Variants in ATRIP observed in about 807,000 individuals in gnomAD.
ATRIP encodes the protein ATR-interacting protein.
ATRIP carries 44 observed loss-of-function variants against 78.1 expected under a neutral mutation model. That is an observed-to-expected ratio of 0.56 (90% confidence interval 0.44 to 0.72). ATRIP has a LOEUF of 0.72. Among genes scored for constraint, ATRIP ranks in the 30% least tolerant of loss-of-function variants. ATRIP has a pLI of 0.00. For missense variants in ATRIP, 927 were observed against 980.2 expected (o/e 0.95, Z 0.72); for synonymous variants, 388 against 408.9 (o/e 0.95, Z 0.62).
At chr3:48,462,538 C>T (rs2040146347) in intron 8 of ATRIP, among the ~76,000 whole-genome samples, 1 of 152,146 alleles carries the variant, frequency 6.6e-6, no homozygotes, top group East Asian at 1.9e-4. Context: ...CCCGTCTCTA[C>T]TAAAAATACA....
chr3:48,458,785 C>T (rs921302415), intron 5 of ATRIP, among the ~76,000 whole-genome samples: 1 of 152,194 alleles, frequency 6.6e-6, no homozygotes, highest in African/African-American at 2.4e-5. Context: ...TACCATCAAC[C>T]TTTCAAATCC....
In ATRIP at chr3:48,446,750, G is replaced by T. The variant is rs1490091548; in HGVS notation, c.-96G>T. 6.9e-6 allele frequency: 9 copies of T among 1,311,820 alleles called. No individual in the cohort carries two copies. The highest frequency in any genetic ancestry group is 7.8e-6 in the Non-Finnish European group (8 of 1,026,868). The allele number at this position is 1,311,820 out of a possible 1,614,324, so 81.3% of individuals were successfully genotyped here. A position where few individuals can be genotyped will look rare whatever the true frequency, so the allele number is the denominator to read the frequency against. ...CAGGGGCGGGGCACTCGCGGCGGAG[G>T]CAAGCGGCGGCGCGCGGACGGTTGG... On this transcript the variant is annotated 5_prime_UTR_variant, in exon 1 of 13. Coordinates refer to ENST00000320211, the MANE Select transcript of ATRIP (RefSeq NM_130384.3).
At chr3:48,454,682 A>G (rs1016245446) in intron 4 of ATRIP, among the ~76,000 whole-genome samples, 1 of 152,136 alleles carries the variant, frequency 6.6e-6, no homozygotes, top group Non-Finnish European at 1.5e-5. Flanking sequence ...ACCTGGAAAA[A>G]TGATCTCCAA....
Position 48,466,796 on chromosome 3 carries a change from C to T in ATRIP, c.*1242C>T. 1.2e-6 allele frequency: 2 copies of T among 1,613,962 alleles called. No individual in the cohort carries two copies. The highest frequency in any genetic ancestry group is 1.7e-6 in the Non-Finnish European group (2 of 1,180,034). ...TCCACAGATGTGCCCTGGAGAGCCC[C>T]CCCACCTCTCAGGGGCCACCTCCCA... On this transcript the variant is annotated 3_prime_UTR_variant, in exon 13 of 13. Transcript: ENST00000320211.
rs758835533 is a variant in ATRIP, at chr3:48,460,396, G to C, written c.1342G>C (p.Asp448His). The change falls in exon 8 of 13, where the codon GAC becomes CAC. Residue 448 changes from aspartate (D) to histidine (H), a missense_variant. By Grantham distance (81) the Asp-to-His change is moderately conservative (BLOSUM62 -1). Transcript: ENST00000320211. Reference protein sequence around the residue: ...AAAKRSGAPGDSPTHSSCVSS... With the variant: ...AAAKRSGAPGHSPTHSSCVSS... Reference sequence around the variant, plus strand: ...TGCTAAGAGAAGCGGAGCACCTGGGGACTCACCGACACATTCCTCCTGCGT... The same window carrying C: ...TGCTAAGAGAAGCGGAGCACCTGGGCACTCACCGACACATTCCTCCTGCGT... 8 of 1,613,438 alleles carry C rather than the reference G, an allele frequency of 5.0e-6. No individual in the cohort carries two copies. The highest frequency in any genetic ancestry group is 5.1e-6 in the Non-Finnish European group (6 of 1,179,740).
chr3:48,462,376 A>G (rs2040142310), intron 8 of ATRIP, among the ~76,000 whole-genome samples: 1 of 151,928 alleles, frequency 6.6e-6, no homozygotes, highest in East Asian at 2.0e-4. Flanking sequence ...TATCTATTTC[A>G]TGTACTGGGG....
At position 48,460,313 on chromosome 3, in the gene ATRIP, TC is replaced by T; in HGVS notation, c.1264del (p.Val423TyrfsTer34). ...CAGCTTCCTGGAGCCGTGCATTTCC[TC>T]CCCCTTGTACAGTTCTTCATCGGCT... Reference protein sequence around the residue: ...LCQLPGAVHFLPLVQFFIGLH... With the variant: ...LCQLPGAVHFXPLVQFFIGLH... On this transcript the variant is annotated frameshift_variant, in exon 8 of 13. Transcript: ENST00000320211. LOFTEE classifies it high-confidence loss of function. 1 of 1,613,852 alleles carries T rather than the reference TC, an allele frequency of 6.2e-7. No homozygotes were observed.
In ATRIP at chr3:48,460,318, C is replaced by A. The variant is rs748390342; in HGVS notation, c.1264C>A (p.Leu422Ile). Reference sequence around the variant, plus strand: ...TCCTGGAGCCGTGCATTTCCTCCCCCTTGTACAGTTCTTCATCGGCTTACA... The same window carrying A: ...TCCTGGAGCCGTGCATTTCCTCCCCATTGTACAGTTCTTCATCGGCTTACA... ...QLPGAVHFLP[L>I]VQFFIGLHCQ... is the part of the protein sequence containing the mutation. The change falls in exon 8 of 13, where the codon CTT becomes ATT. Residue 422 changes from leucine to isoleucine, a missense_variant. Physicochemically the swap from Leu to Ile is conservative, Grantham distance 5. Coordinates refer to ENST00000320211, the MANE Select transcript of ATRIP (RefSeq NM_130384.3). 4 of 1,613,746 alleles carry A rather than the reference C, an allele frequency of 2.5e-6. No homozygotes were observed. The African/African-American group carries it at 5.3e-5, about 22-fold the overall frequency.
intron 5 of ATRIP, among the ~76,000 whole-genome samples, chr3:48,458,873 G>A (rs929672337): frequency 1.3e-5 from 2 of 152,208 alleles, no homozygotes; most frequent in Non-Finnish European, 2.9e-5. Flanking sequence ...GCAGTGTACA[G>A]TAGTGTTACA....
At position 48,466,772 on chromosome 3, in the gene ATRIP, C is replaced by G. The variant is rs2040327217; in HGVS notation, c.*1218C>G. On this transcript the variant is annotated 3_prime_UTR_variant, in exon 13 of 13. Coordinates refer to ENST00000320211, the MANE Select transcript of ATRIP (RefSeq NM_130384.3). ...TCACGGAGCTGTGCCTGCTGGCTGTCCACAGATGTGCCCTGGAGAGCCCCC... is the reference window on the plus strand; with the variant it reads ...TCACGGAGCTGTGCCTGCTGGCTGTGCACAGATGTGCCCTGGAGAGCCCCC... 1.2e-6 allele frequency: 2 copies of G among 1,613,830 alleles called. No homozygotes were observed. Among genetic ancestry groups the G allele is most frequent in the Non-Finnish European group, 1.7e-6 (2 of 1,180,032 alleles).
intron 3 of ATRIP, among the ~76,000 whole-genome samples, chr3:48,452,631 G>A (rs1276279379): frequency 6.6e-6 from 1 of 152,038 alleles, no homozygotes; most frequent in African/African-American, 2.4e-5. Context: ...GGAGGTTGAG[G>A]CTGCAGTAAG....
intron 3 of ATRIP, among the ~76,000 whole-genome samples, chr3:48,453,075 G>C (rs2039873678): frequency 6.6e-6 from 1 of 151,800 alleles, no homozygotes. Context: ...GTACAGACAG[G>C]GTTTTGCTGT....
chr3:48,448,658 A>G (rs980050606), intron 1 of ATRIP, among the ~76,000 whole-genome samples: 3 of 152,254 alleles, frequency 2.0e-5, no homozygotes, highest in Admixed American at 6.5e-5. Flanking sequence ...GGAACTTTAT[A>G]CATTGTTCTT....
At chr3:48,456,547 G>A (rs923409507) in intron 4 of ATRIP, among the ~76,000 whole-genome samples, 2 of 149,734 alleles carry the variant, frequency 1.3e-5, no homozygotes, top group Non-Finnish European at 1.5e-5. Context: ...GCAGTGAGCC[G>A]TAATTGTGCC....
At chr3:48,460,822 T>A (rs777471062) in intron 8 of ATRIP, 23 bp downstream of exon 8, 1 of 1,565,106 alleles carries the variant, frequency 6.4e-7, no homozygotes, top group Non-Finnish European at 8.7e-7. Flanking sequence ...ATAGGAGTCA[T>A]GATTCTTTGT....
chr3:48,456,547 G>C (rs923409507), intron 4 of ATRIP, among the ~76,000 whole-genome samples: 1 of 149,734 alleles, frequency 6.7e-6, no homozygotes, highest in Non-Finnish European at 1.5e-5. Flanking sequence ...GCAGTGAGCC[G>C]TAATTGTGCC....
chr3:48,460,237 T>C lies in ATRIP; in HGVS notation c.1183T>C (p.Ser395Pro). ...GLNLVARNEC[S>P]RDGDPAEGGR... ...GAATCTGGTTGCCCGGAATGAGTGC[T>C]CACGTGATGGAGACCCAGCAGAGGG... The change falls in exon 8 of 13, where the codon TCA becomes CCA. Residue 395 changes from serine to proline, a missense_variant. Coordinates refer to ENST00000320211, the MANE Select transcript of ATRIP (RefSeq NM_130384.3). 3 of 1,614,084 alleles carry C rather than the reference T, an allele frequency of 1.9e-6. No homozygotes were observed. Among genetic ancestry groups the C allele is most frequent in the Non-Finnish European group, 2.5e-6 (3 of 1,180,014 alleles).
intron 12 of ATRIP, 93 bp from the exon 13 acceptor site, chr3:48,465,390 GGTTA>G (rs1413768820): frequency 8.0e-7 from 1 of 1,250,450 alleles, no homozygotes; most frequent in South Asian, 1.3e-5. Context: ...GGAAGGGACT[GGTTA>G]GTTCCTGCGG....
Position 48,467,327 on chromosome 3 carries a change from G to A in ATRIP, c.*1773G>A, listed in dbSNP as rs752018190. ...TGCGGTGGGTGGATGCTCACGCCAG[G>A]CCTTTCGGCACCATCAGGCCCATGT... On this transcript the variant is annotated 3_prime_UTR_variant, in exon 13 of 13. Transcript: ENST00000320211. 3.1e-6 allele frequency: 5 copies of A among 1,614,158 alleles called. No homozygotes were observed. In the South Asian group the frequency reaches 3.3e-5, roughly 11 times the overall value.
Sources: gnomAD v4.1 joint callset for allele counts (sites outside exome capture counted in the v4.1 genomes callset) on GRCh38, gnomAD v4.1.1 for gene constraint, MANE v1.5 for transcripts, NCBI Gene and HGNC (gene_info 2026-07-23, HGNC 2026-07-21) for gene names.